Variants in SH3BP5 observed in about 807,000 individuals in gnomAD.
SH3BP5 encodes the protein SH3 domain binding protein 5.
A neutral mutation model predicts 43.3 loss-of-function variants in SH3BP5; 22 were observed. The ratio of observed to expected loss-of-function variants is 0.51; its 90% CI spans 0.36 to 0.73. The LOEUF (loss-of-function observed/expected upper bound fraction) is 0.73, where lower values mean the gene tolerates loss of function less well. Ranked by LOEUF, SH3BP5 falls within the 30% of genes least tolerant of loss-of-function variation. The pLI, the probability that SH3BP5 is intolerant of heterozygous loss-of-function variation, is 0.00. For missense variants in SH3BP5, 529 were observed against 586.9 expected, an observed-to-expected ratio of 0.90 and a Z score of 1.02; for synonymous variants, 255 against 225.8, an observed-to-expected ratio of 1.13 and a Z score of -1.16.
intron 2 of SH3BP5, among the ~76,000 whole-genome samples, chr3:15,307,339 C>G (rs1347988295): frequency 6.6e-6 from 1 of 152,186 alleles, no homozygotes; most frequent in African/African-American, 2.4e-5. Context: ...AATAGAGAAG[C>G]CCCACAGAGC....
intron 2 of SH3BP5, among the ~76,000 whole-genome samples, chr3:15,312,216 G>T (rs1698077043): frequency 6.6e-6 from 1 of 152,174 alleles, no homozygotes; most frequent in Non-Finnish European, 1.5e-5. Flanking sequence ...GCAGAAGTAG[G>T]TGAGAGAATC....
intron 6 of SH3BP5, 47 bp downstream of exon 6, chr3:15,259,714 G>A (rs1228807000): frequency 6.4e-7 from 1 of 1,573,158 alleles, no homozygotes; most frequent in Non-Finnish European, 8.8e-7. Flanking sequence ...GTGAAGCTTT[G>A]AGTGCAGAAA....
chr3:15,304,307 G>A, intron 2 of SH3BP5, 76 bp from the exon 3 acceptor site: 3 of 1,608,862 alleles, frequency 1.9e-6, no homozygotes, highest in Non-Finnish European at 2.5e-6. Flanking sequence ...GACCTAGACA[G>A]AAACATCAAC....
intron 3 of SH3BP5, among the ~76,000 whole-genome samples, chr3:15,300,011 AC>A (rs904655960): frequency 2.0e-5 from 3 of 152,078 alleles, no homozygotes; most frequent in East Asian, 1.9e-4. Flanking sequence ...ATGCTCCATC[AC>A]CCCCCCAAAT....
chr3:15,262,006 AAGAG>A (rs1242916815), intron 5 of SH3BP5, among the ~76,000 whole-genome samples, 149 bp downstream of exon 5: 1 of 152,192 alleles, frequency 6.6e-6, no homozygotes, highest in Non-Finnish European at 1.5e-5. Flanking sequence ...ATTAGGGGGA[AAGAG>A]AGCCTGAGCA....
At chr3:15,296,494 T>C (rs548770720) in intron 3 of SH3BP5, among the ~76,000 whole-genome samples, 2 of 152,266 alleles carry the variant, frequency 1.3e-5, no homozygotes, top group Admixed American at 6.5e-5. Context: ...CTATGTTTGA[T>C]AGGTCAACAA....
At chr3:15,312,057 T>TG (rs1698073474) in intron 2 of SH3BP5, among the ~76,000 whole-genome samples, 1 of 151,300 alleles carries the variant, frequency 6.6e-6, no homozygotes, top group Non-Finnish European at 1.5e-5. Context: ...GGGGTGGGGG[T>TG]GGGGCACCTG....
intron 7 of SH3BP5, 115 bp from the exon 8 acceptor site, chr3:15,257,228 CTG>C (rs1696244106): frequency 1.9e-6 from 2 of 1,042,362 alleles, no homozygotes; most frequent in South Asian, 1.6e-5. Context: ...GTCTCTACCT[CTG>C]TGAGTGCCTA....
rs192051115 is a variant in SH3BP5 at position 15,264,927 on chromosome 3, A to T, written c.496-2638T>A. 1.5e-4 allele frequency among the ~76,000 whole-genome samples: 23 copies of T among 152,198 alleles called. No individual in the cohort carries two copies. In the Middle Eastern group the frequency reaches 0.01, roughly 68 times the overall value. On this transcript the variant is annotated intron_variant, in intron 4 of 8. Transcript: ENST00000383791. ...TACCTTTAAGGAGCTGTCAGAATGCATTTTCAACAGACTTGTAGAACCTGT... is the reference window on the plus strand; with the variant it reads ...TACCTTTAAGGAGCTGTCAGAATGCTTTTTCAACAGACTTGTAGAACCTGT...
intron 4 of SH3BP5, chr3:15,264,272 C>CAAATGGTTTTTT (rs1696555886): frequency 7.3e-6 from 1 of 136,462 alleles, no homozygotes; most frequent in East Asian, 2.2e-4. Context: ...GACAGTAATA[C>CAAATGGTTTTTT]AAATGGTTTT....
chr3:15,280,626 G>T (rs1430642994), intron 3 of SH3BP5, among the ~76,000 whole-genome samples: 2 of 152,040 alleles, frequency 1.3e-5, no homozygotes, highest in Non-Finnish European at 2.9e-5. Flanking sequence ...AGCCATCCCC[G>T]ACATCACACT....
At chr3:15,303,022 G>T (rs1697796383) in intron 3 of SH3BP5, among the ~76,000 whole-genome samples, 1 of 152,112 alleles carries the variant, frequency 6.6e-6, no homozygotes, top group Admixed American at 6.5e-5. Context: ...TGGCCAGGCT[G>T]GTCTCGAACT....
intron 5 of SH3BP5, among the ~76,000 whole-genome samples, chr3:15,261,200 A>C (rs777734593): frequency 2.0e-4 from 30 of 152,208 alleles, no homozygotes; most frequent in Non-Finnish European, 5.9e-5. Flanking sequence ...CCAAACCAAA[A>C]CAAAAATACA....
chr3:15,304,487 C>A (rs1052311815), intron 2 of SH3BP5, among the ~76,000 whole-genome samples: 3 of 152,186 alleles, frequency 2.0e-5, no homozygotes, highest in East Asian at 3.9e-4. Flanking sequence ...TAAAACTGGC[C>A]GGTGTGACTG....
chr3:15,302,198 C>T (rs1401024307), intron 3 of SH3BP5, among the ~76,000 whole-genome samples: 1 of 152,154 alleles, frequency 6.6e-6, no homozygotes, highest in African/African-American at 2.4e-5. Flanking sequence ...ACTTGGGGGG[C>T]ATCTCAAAGA....
chr3:15,309,984 A>G (rs1026622934), intron 2 of SH3BP5, among the ~76,000 whole-genome samples: 8 of 135,488 alleles, frequency 5.9e-5, no homozygotes, highest in African/African-American at 2.2e-4. Context: ...AACAGTTCCC[A>G]GAAGTATTGA....
At chr3:15,333,826 A>C (rs1276734859), upstream of SH3BP5, among the ~76,000 whole-genome samples, 1 of 152,204 alleles carries the variant, frequency 6.6e-6, no homozygotes, top group African/African-American at 2.4e-5. Flanking sequence ...TGCTCTTTAA[A>C]TCAAGGATGA....
chr3:15,313,280 A>G (rs1158104298), intron 2 of SH3BP5, among the ~76,000 whole-genome samples: 1 of 152,196 alleles, frequency 6.6e-6, no homozygotes, highest in Non-Finnish European at 1.5e-5. Flanking sequence ...AAGTAAAAAC[A>G]TGAACCAATT....
At chr3:15,262,023 G>T in intron 5 of SH3BP5, 136 bp downstream of exon 5, 1 of 921,620 alleles carries the variant, frequency 1.1e-6, no homozygotes, top group Non-Finnish European at 1.6e-6. Flanking sequence ...CCTGAGCAGG[G>T]GGGCTCTGGT....
Sources: gnomAD v4.1 joint callset for allele counts (sites outside exome capture counted in the v4.1 genomes callset) on GRCh38, gnomAD v4.1.1 for gene constraint, MANE v1.5 for transcripts, NCBI Gene and HGNC (gene_info 2026-07-23, HGNC 2026-07-21) for gene names.